The following ZNF649 variants were observed in gnomAD, a reference collection of about 807,000 sequenced individuals.
ZNF649 encodes zinc finger protein 649.
ZNF649 carries 7 observed loss-of-function variants against 14.1 expected under a neutral mutation model. The observed-to-expected ratio is 0.49, with a 90% confidence interval of 0.28 to 0.93. ZNF649 has a LOEUF of 0.93. Among genes scored for constraint, ZNF649 ranks in the 40% least tolerant of loss-of-function variants. The pLI is 0.10. For synonymous variants in ZNF649, 227 were observed against 212.3 expected (o/e 1.07, Z -0.60); for missense variants, 544 against 608.1 (o/e 0.89, Z 1.11).
intron 1 of ZNF649, among the ~76,000 whole-genome samples, chr19:51,904,708 C>A (rs114882680): frequency 0.018 from 2,766 of 152,170 alleles, 81 homozygotes; most frequent in African/African-American, 0.06. Context: ...ACAGAGTGAC[C>A]CTCAGAGACC....
rs1323595608 is a variant in ZNF649, at chr19:51,890,364, A to AT, written c.*253dup. ...CCTACCTTGGCCCCCGGAGTAAGAG[A>AT]TATCATTCTGAGGAACACCAAGTGG... On this transcript the variant is annotated 3_prime_UTR_variant, in exon 5 of 5. Coordinates refer to ENST00000354957, the MANE Select transcript of ZNF649 (RefSeq NM_023074.4). The AT allele has an allele frequency of 1.6e-5, 7 of 425,860 alleles. No homozygotes were observed. The highest frequency in any genetic ancestry group is 1.2e-4 in the African/African-American group (6 of 50,484). The allele number at this position is 425,860 out of a possible 1,614,324, so 26.4% of individuals were successfully genotyped here.
Position 51,889,665 on chromosome 19 carries a change from T to C in ZNF649, c.*953A>G, listed in dbSNP as rs1351864563. 1 of 152,176 alleles carries C rather than the reference T, an allele frequency of 6.6e-6. No homozygotes were observed. Among genetic ancestry groups the C allele is most frequent in the Non-Finnish European group, 1.5e-5 (1 of 68,026 alleles). The allele number at this position is 152,176 out of a possible 1,614,324, so 9.4% of individuals were successfully genotyped here. A position where few individuals can be genotyped will look rare whatever the true frequency, so the allele number is the denominator to read the frequency against. On this transcript the variant is annotated 3_prime_UTR_variant, in exon 5 of 5. Coordinates refer to ENST00000354957, the MANE Select transcript of ZNF649 (RefSeq NM_023074.4). ...GGGATTAGGACTTCAACATGTAAAT[T>C]TGGAGAGGACATAAATATGCAATCC... is the stretch of plus-strand genomic sequence containing the variant.
chr19:51,891,414 T>C lies in ZNF649; in HGVS notation c.722A>G (p.Lys241Arg), dbSNP rs2085021457. Residue 241 changes from lysine to arginine, a missense_variant, in exon 5 of 5, where the codon AAA becomes AGA. Coordinates refer to ENST00000354957, the MANE Select transcript of ZNF649 (RefSeq NM_023074.4). This position sits in a 1 kb window ranked among gnomAD's most constrained non-coding sequence, Gnocchi z 4.2. ...GAGCCTGTACCTCTTGTAGAAGGCT[T>C]TCCCACACAAGCTACACCCGTGGGG... ...EKPHGCSLCG[K>R]AFYKRYRLTE... 6.2e-7 allele frequency: 1 copy of C among 1,614,058 alleles called. No homozygotes were observed. Among genetic ancestry groups the C allele is most frequent in the Non-Finnish European group, 8.5e-7 (1 of 1,179,992 alleles).
At chr19:51,899,606 G>A (rs149987268) in intron 2 of ZNF649, among the ~76,000 whole-genome samples, 1 of 152,174 alleles carries the variant, frequency 6.6e-6, no homozygotes, top group South Asian at 2.1e-4. Context: ...GAATAATCAT[G>A]TAGAAACAGT....
chr19:51,899,970 G>C (rs1257626743), intron 2 of ZNF649, 123 bp downstream of exon 2: 6 of 787,930 alleles, frequency 7.6e-6, no homozygotes, highest in African/African-American at 1.8e-5. Context: ...TACAGTCTAA[G>C]TCTGTTTCTC....
Position 51,900,210 on chromosome 19 carries a change from G to T in ZNF649, c.-103C>A. On this transcript the variant is annotated 5_prime_UTR_variant, in exon 2 of 5. Coordinates refer to ENST00000354957, the MANE Select transcript of ZNF649 (RefSeq NM_023074.4). Reference sequence around the variant, plus strand: ...CTAAGAAATCTGAGTCTCCATTTAAGAGTGTTCCCAGAAATGATGACATCC... The same window carrying T: ...CTAAGAAATCTGAGTCTCCATTTAATAGTGTTCCCAGAAATGATGACATCC... 1 of 991,886 alleles carries T rather than the reference G, an allele frequency of 1.0e-6. No homozygotes were observed. Among genetic ancestry groups the T allele is most frequent in the Non-Finnish European group, 1.4e-6 (1 of 708,518 alleles). 61.4% of individuals were successfully genotyped at this position (991,886 alleles called of 1,614,324 possible).
rs1291345698 is a variant in ZNF649, at chr19:51,896,486, C to T, written c.224G>A (p.Ser75Asn). Residue 75 changes from serine to asparagine, a missense_variant, in exon 4 of 5, where the codon AGT (serine) becomes AAT (asparagine). Transcript: ENST00000354957. ...PLWTLEDEIH[S>N]PAHPEIEKAD... ...CTCTCACTTACCTGGGTGGGCTGGA[C>T]TGTGGATTTCATCTTCTAGTGTCCA... 1.2e-6 allele frequency: 2 copies of T among 1,613,982 alleles called. No homozygotes were observed. Among genetic ancestry groups the T allele is most frequent in the African/African-American group, 1.3e-5 (1 of 74,910 alleles).
At position 51,890,716 on chromosome 19, in the gene ZNF649, T is replaced by TTAAGCTGTGC. The variant is rs1202379782; in HGVS notation, c.1419_1420insGCACAGCTTA (p.Ser474AlafsTer6). The TTAAGCTGTGC allele has an allele frequency of 6.2e-7, 1 of 1,614,234 alleles. No homozygotes were observed. Among genetic ancestry groups the TTAAGCTGTGC allele is most frequent in the African/African-American group, 1.3e-5 (1 of 75,058 alleles). ...TTCCCCTGCACATGTTCACTAGGAC[T>TTAAGCTGTGC]TAAGCTGTGACTTGCTGTGGAAGGA... On this transcript the variant is annotated frameshift_variant, in exon 5 of 5. Transcript: ENST00000354957. LOFTEE classifies it low-confidence loss of function (END_TRUNC).
Position 51,889,408 on chromosome 19 carries a change from G to GA in ZNF649, c.*1209dup, listed in dbSNP as rs1244996397. ...CGTTCCAGAGGCTGAGGAGTCTCTA[G>GA]AACTGGACTCTAAAACACAATCAAG... On this transcript the variant is annotated 3_prime_UTR_variant, in exon 5 of 5. Transcript: ENST00000354957. 1.6e-4 allele frequency: 25 copies of GA among 152,170 alleles called. No individual in the cohort carries two copies. Among genetic ancestry groups the GA allele is most frequent in the African/African-American group, 5.3e-4 (22 of 41,424 alleles). 9.4% of individuals were successfully genotyped at this position (152,170 alleles called of 1,614,324 possible). A position where few individuals can be genotyped will look rare whatever the true frequency, so the allele number is the denominator to read the frequency against.
intron 1 of ZNF649, among the ~76,000 whole-genome samples, chr19:51,903,904 C>G (rs1372832963): frequency 6.6e-6 from 1 of 152,188 alleles, no homozygotes; most frequent in East Asian, 1.9e-4. Flanking sequence ...CGACTCCATA[C>G]TTCTATATTT....
chr19:51,891,195 C>T lies in ZNF649; in HGVS notation c.941G>A (p.Gly314Glu). ...TTCACTGCATGTATGAGGCTTCTCT[C>T]CTGTATGAGTTCGCTGATGTACAAC... ...LLVVHQRTHT[G>E]EKPHTCSECG... Residue 314 changes from glycine (G) to glutamate (E), a missense_variant, in exon 5 of 5, where the codon GGA (glycine) becomes GAA (glutamate). Coordinates refer to ENST00000354957, the MANE Select transcript of ZNF649 (RefSeq NM_023074.4). The surrounding 1 kb of genome is among the most constrained non-coding windows in gnomAD (Gnocchi z 4.2). 6.2e-7 allele frequency: 1 copy of T among 1,614,252 alleles called. No homozygotes were observed. The highest frequency in any genetic ancestry group is 8.5e-7 in the Non-Finnish European group (1 of 1,180,040).
intron 2 of ZNF649, among the ~76,000 whole-genome samples, chr19:51,897,605 A>T (rs367569633): frequency 6.6e-6 from 1 of 152,202 alleles, no homozygotes; most frequent in Non-Finnish European, 1.5e-5. Flanking sequence ...GCCATCATAC[A>T]TGTAAGCATT....
Position 51,891,454 on chromosome 19 carries a change from G to A in ZNF649, c.682C>T (p.His228Tyr). Residue 228 changes from histidine to tyrosine, a missense_variant, in exon 5 of 5, where the codon CAC becomes TAC. Physicochemically the swap from His to Tyr is moderately conservative, Grantham distance 83 (BLOSUM62 2). Coordinates refer to ENST00000354957, the MANE Select transcript of ZNF649 (RefSeq NM_023074.4). The surrounding 1 kb of genome is among the most constrained non-coding windows in gnomAD (Gnocchi z 4.2). Reference sequence around the variant, plus strand: ...CACCCGTGGGGTTTCTCTCCTCTGTGAGCTCTCTCGTGTTCAGTGAGCCTG... The same window carrying A: ...CACCCGTGGGGTTTCTCTCCTCTGTAAGCTCTCTCGTGTTCAGTGAGCCTG... ...KYRLTEHERA[H>Y]RGEKPHGCSL... 1 of 1,613,988 alleles carries A rather than the reference G, an allele frequency of 6.2e-7. No individual in the cohort carries two copies. The highest frequency in any genetic ancestry group is 1.3e-5 in the African/African-American group (1 of 75,050).
intron 4 of ZNF649, among the ~76,000 whole-genome samples, chr19:51,893,586 G>A (rs910656073): frequency 1.3e-5 from 2 of 152,150 alleles, no homozygotes; most frequent in African/African-American, 4.8e-5. Flanking sequence ...GATCCCTATG[G>A]ACTTTCAGAA....
chr19:51,896,849 C>A lies in ZNF649; in HGVS notation c.142+3G>T. On this transcript the variant is annotated splice_donor_region_variant and intron_variant, in intron 3 of 4. Transcript: ENST00000354957. ...CTGAGTGACACAGGGCAGCTGTCCT[C>A]ACCCACTGACACAAGGTTGCTGTAG... is the stretch of plus-strand genomic sequence containing the variant. 1 of 1,614,142 alleles carries A rather than the reference C, an allele frequency of 6.2e-7. No individual in the cohort carries two copies. Among genetic ancestry groups the A allele is most frequent in the Non-Finnish European group, 8.5e-7 (1 of 1,180,018 alleles).
rs373809558 is a variant in ZNF649 at position 51,892,104 on chromosome 19, G to A, written c.239-207C>T. Among the ~76,000 whole-genome samples the A allele has an allele frequency of 1.7e-3, 255 of 152,140 alleles. 3 individuals are homozygous for A. The South Asian group carries it at 0.026, about 15-fold the overall frequency. ...AAGATAAAATTTGCCAGCTGGGTGC[G>A]GTGGCTTATGCCTGTAATCCCAGCA... On this transcript the variant is annotated intron_variant, in intron 4 of 4. Transcript: ENST00000354957.
At chr19:51,899,916 T>C (rs2085085585) in intron 2 of ZNF649, 177 bp downstream of exon 2, 3 of 467,222 alleles carry the variant, frequency 6.4e-6, no homozygotes, top group African/African-American at 2.0e-5. Context: ...ATGTGAACTA[T>C]GTGAACAAAG....
intron 2 of ZNF649, among the ~76,000 whole-genome samples, chr19:51,899,168 G>A (rs1568456838): frequency 6.6e-6 from 1 of 152,316 alleles, no homozygotes; most frequent in Non-Finnish European, 1.5e-5. Context: ...TAGGAGCTCT[G>A]TGCCAAGAAC....
chr19:51,892,895 TG>T (rs2085033948), intron 4 of ZNF649, among the ~76,000 whole-genome samples: 1 of 152,204 alleles, frequency 6.6e-6, no homozygotes, highest in South Asian at 2.1e-4. Context: ...GAATAAACTA[TG>T]TTCTAACTGC....
Sources: allele counts gnomAD v4.1 joint callset (sites outside exome capture counted in the v4.1 genomes callset), GRCh38; gene constraint gnomAD v4.1.1; non-coding constraint Gnocchi (gnomAD v3.1); transcripts MANE v1.5; gene names NCBI Gene and HGNC (gene_info 2026-07-23, HGNC 2026-07-21).